Variants in SLAMF1 observed in about 807,000 individuals in gnomAD.
The protein encoded by SLAMF1 is signaling lymphocytic activation molecule family member 1, also known as signaling lymphocytic activation molecule.
SLAMF1 carries 18 observed loss-of-function variants against 35.1 expected under a neutral mutation model. The observed-to-expected ratio is 0.51, with a 90% CI of 0.35 to 0.76. The LOEUF is 0.76. Ranked by LOEUF, SLAMF1 falls within the 30% of genes least tolerant of loss-of-function variation. The pLI is 0.01. For synonymous variants in SLAMF1, 168 were observed against 157.2 expected (o/e 1.07, Z -0.51); for missense variants, 392 against 413.0 (o/e 0.95, Z 0.44).
At chr1:160,624,281 T>C in intron 3 of SLAMF1, 96 bp from the exon 4 acceptor site, 1 of 874,384 alleles carries the variant, frequency 1.1e-6, no homozygotes, top group South Asian at 1.5e-5. Context: ...CATGTTCTAT[T>C]TCTGCATTCT....
chr1:160,626,081 T>C (rs1167601239), intron 3 of SLAMF1, among the ~76,000 whole-genome samples: 1 of 152,138 alleles, frequency 6.6e-6, no homozygotes, highest in Non-Finnish European at 1.5e-5. Context: ...TTTGGGAACT[T>C]CCAATACAAC....
At chr1:160,643,093 A>G (rs1000735041) in intron 1 of SLAMF1, among the ~76,000 whole-genome samples, 4 of 152,106 alleles carry the variant, frequency 2.6e-5, no homozygotes, top group African/African-American at 9.7e-5. Flanking sequence ...CAATTGCTCT[A>G]TGTGAGTAAA....
At chr1:160,630,643 C>A (rs1350847268) in intron 3 of SLAMF1, among the ~76,000 whole-genome samples, 1 of 152,190 alleles carries the variant, frequency 6.6e-6, no homozygotes, top group East Asian at 1.9e-4. Flanking sequence ...TGGCTCGGGT[C>A]CCATCATTTT....
At chr1:160,639,126 G>T (rs1660611361) in intron 1 of SLAMF1, among the ~76,000 whole-genome samples, 1 of 152,154 alleles carries the variant, frequency 6.6e-6, no homozygotes, top group African/African-American at 2.4e-5. Flanking sequence ...CAAACTCTTG[G>T]TTCCAGAACA....
In SLAMF1 at chr1:160,642,934, T is replaced by G. The variant is rs531353750; in HGVS notation, c.76+3936A>C. On this transcript the variant is annotated intron_variant, in intron 1 of 6. Coordinates refer to ENST00000302035, the MANE Select transcript of SLAMF1 (RefSeq NM_003037.5). This position sits in a 1 kb window ranked among gnomAD's most constrained non-coding sequence, Gnocchi z 4.2. ...TCGGACCCATTTATTTGGGGCTAAG[T>G]TTTTAATATTCATTTTTATTAACTT... 3.6e-4 allele frequency among the ~76,000 whole-genome samples: 55 copies of G among 152,340 alleles called. No homozygotes were observed. Among genetic ancestry groups the G allele is most frequent in the African/African-American group, 1.2e-3 (51 of 41,580 alleles).
chr1:160,610,545 C>T lies in SLAMF1; in HGVS notation c.*203G>A, dbSNP rs1386524997. 1 of 594,926 alleles carries T rather than the reference C, an allele frequency of 1.7e-6. No individual in the cohort carries two copies. Among genetic ancestry groups the T allele is most frequent in the African/African-American group, 1.9e-5 (1 of 53,714 alleles). 36.9% of individuals were successfully genotyped at this position (594,926 alleles called of 1,614,324 possible). On this transcript the variant is annotated 3_prime_UTR_variant, in exon 7 of 7. Coordinates refer to ENST00000302035, the MANE Select transcript of SLAMF1 (RefSeq NM_003037.5). ...CTGTTCTGCGCCTGCAGCCACTGCA[C>T]AGCAAGCTAAATTCTTGGGAAGCCT...
chr1:160,641,166 A>T (rs1185327852), intron 1 of SLAMF1, among the ~76,000 whole-genome samples: 1 of 152,212 alleles, frequency 6.6e-6, no homozygotes, highest in African/African-American at 2.4e-5. Context: ...GAGCGTATAC[A>T]TATTTTTCTG....
intron 5 of SLAMF1, among the ~76,000 whole-genome samples, chr1:160,614,225 A>G (rs1475912626): frequency 2.0e-5 from 3 of 152,202 alleles, no homozygotes; most frequent in African/African-American, 4.8e-5. Context: ...AGAAATTTTG[A>G]GTTTAAGAAA....
chr1:160,640,677 AG>A (rs1339309325), intron 1 of SLAMF1, among the ~76,000 whole-genome samples: 30 of 152,106 alleles, frequency 2.0e-4, no homozygotes, highest in Non-Finnish European at 5.9e-5. Context: ...TGCTCAGTAA[AG>A]GGCTCAGCTA....
At chr1:160,640,111 G>C (rs1305908647) in intron 1 of SLAMF1, among the ~76,000 whole-genome samples, 1 of 151,680 alleles carries the variant, frequency 6.6e-6, no homozygotes, top group Middle Eastern at 3.2e-3. Context: ...ATATTATACT[G>C]TATATTTGTT....
intron 1 of SLAMF1, among the ~76,000 whole-genome samples, chr1:160,638,989 T>C (rs1660603973): frequency 6.6e-6 from 1 of 152,150 alleles, no homozygotes; most frequent in Admixed American, 6.5e-5. Context: ...TCTCACCCAA[T>C]TGCACAGTCT....
intron 1 of SLAMF1, among the ~76,000 whole-genome samples, chr1:160,645,424 G>T (rs1371128142): frequency 4.6e-5 from 7 of 152,222 alleles, no homozygotes; most frequent in Admixed American, 2.6e-4. Flanking sequence ...TTGCCTTGTG[G>T]GGCTGGGTTG....
Position 160,612,489 on chromosome 1 carries a change from T to TGGACAGACTCTG in SLAMF1, c.944_955dup (p.Pro315_Val318dup), listed in dbSNP as rs1168673732. 1 of 1,602,912 alleles carries TGGACAGACTCTG rather than the reference T, an allele frequency of 6.2e-7. No homozygotes were observed. The highest frequency in any genetic ancestry group is 8.5e-7 in the Non-Finnish European group (1 of 1,170,598). ...AGAGTAGGCAGAGAGATGCCTCACC[T>TGGACAGACTCTG]GGACAGACTCTGGGACAGGCTCTGT... On this transcript the variant is annotated inframe_insertion and splice_region_variant, in exon 6 of 7. Transcript: ENST00000302035.
At chr1:160,632,088 C>A (rs573359532) in intron 3 of SLAMF1, among the ~76,000 whole-genome samples, 32 of 152,202 alleles carry the variant, frequency 2.1e-4, no homozygotes, top group African/African-American at 7.7e-4. Flanking sequence ...GACACCTTGA[C>A]TTTAGACTTC....
chr1:160,612,853 G>A (rs1013022096), intron 5 of SLAMF1, among the ~76,000 whole-genome samples: 9 of 152,168 alleles, frequency 5.9e-5, no homozygotes, highest in South Asian at 4.1e-4. Flanking sequence ...TGTTTTAAAT[G>A]TCTTCCTCAC....
rs371704387 is a variant in SLAMF1, at chr1:160,624,104, C to T, written c.782G>A (p.Arg261Lys). 6 of 1,598,922 alleles carry T rather than the reference C, an allele frequency of 3.8e-6. No individual in the cohort carries two copies. The highest frequency in any genetic ancestry group is 3.4e-5 in the Admixed American group (2 of 58,196). Residue 261 changes from arginine to lysine, a missense_variant, in exon 4 of 7, where the codon AGA becomes AAA. Physicochemically the swap from Arg to Lys is conservative, Grantham distance 26. Coordinates refer to ENST00000302035, the MANE Select transcript of SLAMF1 (RefSeq NM_003037.5). ...TATTGCCAGACACCTACCTCTTCTT[C>T]TCAACTGTAGTATTACCACCATGAT... Reference protein sequence around the residue: ...ILIMVVILQLRRRGKTNHYQT... With the variant: ...ILIMVVILQLKRRGKTNHYQT...
chr1:160,633,585 C>G (rs1382740536), intron 3 of SLAMF1, among the ~76,000 whole-genome samples: 1 of 152,164 alleles, frequency 6.6e-6, no homozygotes, highest in Non-Finnish European at 1.5e-5. Context: ...CCAGTGGATG[C>G]AGAGAGGAGA....
rs1660827762 is a variant in SLAMF1 at position 160,642,926 on chromosome 1, G to T, written c.76+3944C>A. Among the ~76,000 whole-genome samples, 2 of 152,074 alleles carry T rather than the reference G, an allele frequency of 1.3e-5. No homozygotes were observed. The highest frequency in any genetic ancestry group is 4.8e-5 in the African/African-American group (2 of 41,394). Reference sequence around the variant, plus strand: ...CAAGCCCATCGGACCCATTTATTTGGGGCTAAGTTTTTAATATTCATTTTT... The same window carrying T: ...CAAGCCCATCGGACCCATTTATTTGTGGCTAAGTTTTTAATATTCATTTTT... On this transcript the variant is annotated intron_variant, in intron 1 of 6. Transcript: ENST00000302035. The surrounding 1 kb of genome is among the most constrained non-coding windows in gnomAD (Gnocchi z 4.2).
chr1:160,625,475 C>T (rs1193957307), intron 3 of SLAMF1, among the ~76,000 whole-genome samples: 1 of 152,174 alleles, frequency 6.6e-6, no homozygotes. Flanking sequence ...ATGCAGCCTA[C>T]AAGATCCAAA....
Sources: allele counts gnomAD v4.1 joint callset (sites outside exome capture counted in the v4.1 genomes callset), GRCh38; gene constraint gnomAD v4.1.1; non-coding constraint Gnocchi (gnomAD v3.1); transcripts MANE v1.5; gene names NCBI Gene and HGNC (gene_info 2026-07-23, HGNC 2026-07-21).